Variants in CDH13 observed in about 807,000 individuals in gnomAD.
CDH13 encodes cadherin 13, also known as cadherin-13.
CDH13 carries 24 observed loss-of-function variants against 63.8 expected under a neutral mutation model. The observed-to-expected ratio is 0.38, with a 90% confidence interval of 0.27 to 0.53. CDH13 has a LOEUF of 0.53. Ranked by LOEUF, CDH13 falls within the 20% of genes least tolerant of loss-of-function variation. The pLI, the probability that CDH13 is intolerant of heterozygous loss-of-function variation, is 0.85. For synonymous variants in CDH13, 503 were observed against 355.3 expected (o/e 1.42, Z -4.67); for missense variants, 1,049 against 903.1 (o/e 1.16, Z -2.07).
chr16:82,982,541 G>T (rs188340767), intron 2 of CDH13, among the ~76,000 whole-genome samples: 7 of 152,128 alleles, frequency 4.6e-5, no homozygotes, highest in Admixed American at 3.9e-4. Context: ...AGCTGCATTT[G>T]CATGGCTTCA....
intron 10 of CDH13, among the ~76,000 whole-genome samples, chr16:83,693,610 C>T (rs960628698): frequency 6.6e-6 from 1 of 152,160 alleles, no homozygotes; most frequent in African/African-American, 2.4e-5. Context: ...TGTTTGCTTG[C>T]CTGTAAGCAA....
At chr16:83,709,978 A>C (rs1220438861) in intron 10 of CDH13, among the ~76,000 whole-genome samples, 2 of 151,984 alleles carry the variant, frequency 1.3e-5, no homozygotes, top group African/African-American at 4.8e-5. Context: ...AATAGTCCAA[A>C]AAATGGCCTA....
intron 2 of CDH13, among the ~76,000 whole-genome samples, chr16:82,908,428 AC>A (rs2041719218): frequency 6.6e-6 from 1 of 152,144 alleles, no homozygotes; most frequent in African/African-American, 2.4e-5. Context: ...GGTCTCAGTT[AC>A]CTTTGTACAA....
intron 7 of CDH13, among the ~76,000 whole-genome samples, chr16:83,583,939 A>C (rs1905884705): frequency 6.6e-6 from 1 of 151,926 alleles, no homozygotes; most frequent in South Asian, 2.1e-4. Flanking sequence ...AAATAAACAA[A>C]AATTTAAAAA....
chr16:83,184,107 C>CAA (rs972229385), intron 4 of CDH13, among the ~76,000 whole-genome samples: 1 of 146,770 alleles, frequency 6.8e-6, no homozygotes, highest in African/African-American at 2.6e-5. Context: ...CACACACACA[C>CAA]ACACACACAC....
rs141590101 is a variant in CDH13 at position 83,203,362 on chromosome 16, C to T, written c.484-13983C>T. Among the ~76,000 whole-genome samples, 668 of 151,988 alleles carry T rather than the reference C, an allele frequency of 4.4e-3. 5 individuals are homozygous for T. The highest frequency in any genetic ancestry group is 0.015 in the African/African-American group (618 of 41,434). On this transcript the variant is annotated intron_variant, in intron 4 of 13. Transcript: ENST00000567109. ...CCTTGTAACAAACCCACACATGTAC[C>T]GCCAAATCTAAAATAACATAGTAAA...
chr16:82,660,933 A>T (rs8043944), intron 1 of CDH13, among the ~76,000 whole-genome samples: 20,998 of 149,532 alleles, frequency 0.14, 2,157 homozygotes, highest in African/African-American at 0.28. Context: ...AGTTTCTTTT[A>T]TCAAAAAAAA....
chr16:83,312,325 AG>A (rs2090018828), intron 5 of CDH13, among the ~76,000 whole-genome samples: 1 of 152,170 alleles, frequency 6.6e-6, no homozygotes, highest in African/African-American at 2.4e-5. Flanking sequence ...TGCCAACTAA[AG>A]CAATAGAATC....
intron 6 of CDH13, among the ~76,000 whole-genome samples, chr16:83,400,599 C>G (rs1488786961): frequency 6.6e-6 from 1 of 152,218 alleles, no homozygotes; most frequent in African/African-American, 2.4e-5. Context: ...ATGTCAGTTA[C>G]TTTTGCACCA....
At chr16:82,754,612 C>T (rs2034544247) in intron 1 of CDH13, among the ~76,000 whole-genome samples, 2 of 152,148 alleles carry the variant, frequency 1.3e-5, no homozygotes, top group African/African-American at 4.8e-5. Flanking sequence ...GATGGTAGGG[C>T]ATTGTCTGTT....
At chr16:83,097,953 T>C (rs1327624231) in intron 3 of CDH13, among the ~76,000 whole-genome samples, 1 of 151,852 alleles carries the variant, frequency 6.6e-6, no homozygotes, top group African/African-American at 2.4e-5. Context: ...AGGTAACTTT[T>C]GAAAAAAAAA....
At chr16:82,733,238 C>T (rs1243799320) in intron 1 of CDH13, among the ~76,000 whole-genome samples, 3 of 152,158 alleles carry the variant, frequency 2.0e-5, no homozygotes, top group Non-Finnish European at 4.4e-5. Flanking sequence ...TTCACTGGTC[C>T]TCCCCATTGC....
At chr16:83,621,370 C>T (rs945830557) in intron 8 of CDH13, among the ~76,000 whole-genome samples, 1 of 151,294 alleles carries the variant, frequency 6.6e-6, no homozygotes, top group Non-Finnish European at 1.5e-5. Flanking sequence ...ACTTGTGCAC[C>T]AAGGGTTTGC....
chr16:82,694,411 T>C (rs925124023), intron 1 of CDH13, among the ~76,000 whole-genome samples: 1 of 152,248 alleles, frequency 6.6e-6, no homozygotes, highest in African/African-American at 2.4e-5. Flanking sequence ...TCTGTGTCAA[T>C]GTGATAGACA....
intron 1 of CDH13, among the ~76,000 whole-genome samples, chr16:82,742,551 T>A (rs547273337): frequency 6.6e-6 from 1 of 152,292 alleles, no homozygotes; most frequent in South Asian, 2.1e-4. Context: ...ATTTCTCTTT[T>A]GTAATTAACT....
At chr16:83,429,780 G>C (rs1358682067) in intron 6 of CDH13, among the ~76,000 whole-genome samples, 1 of 152,030 alleles carries the variant, frequency 6.6e-6, no homozygotes, top group Non-Finnish European at 1.5e-5. Flanking sequence ...TTTTATTGTG[G>C]TAAGAACACT....
At chr16:82,807,848 T>C in intron 1 of CDH13, among the ~76,000 whole-genome samples, 1 of 152,198 alleles carries the variant, frequency 6.6e-6, no homozygotes, top group East Asian at 1.9e-4. Flanking sequence ...TTTAACAAAC[T>C]TTATTTAGGC....
intron 6 of CDH13, among the ~76,000 whole-genome samples, chr16:83,366,422 T>A (rs1342961488): frequency 1.3e-5 from 2 of 152,204 alleles, no homozygotes; most frequent in African/African-American, 4.8e-5. Flanking sequence ...TAAGGAGCTT[T>A]ACGTGCGAGT....
At chr16:82,991,338 T>C (rs1227200116) in intron 2 of CDH13, among the ~76,000 whole-genome samples, 2 of 152,332 alleles carry the variant, frequency 1.3e-5, no homozygotes, top group African/African-American at 4.8e-5. Context: ...ACTTTAAAAG[T>C]ATATATCTTA....
Sources: allele counts gnomAD v4.1 joint callset (sites outside exome capture counted in the v4.1 genomes callset), GRCh38; gene constraint gnomAD v4.1.1; transcripts MANE v1.5; gene names NCBI Gene and HGNC (gene_info 2026-07-23, HGNC 2026-07-21).